ANKRD62: variants seen among roughly 807,000 people sequenced by gnomAD.
ANKRD62 encodes ankyrin repeat domain 62, also known as ankyrin repeat domain-containing protein 62.
ANKRD62 carries 61 observed loss-of-function variants against 98.8 expected under a neutral mutation model. That is an observed-to-expected ratio of 0.62 (90% CI 0.50 to 0.76). The LOEUF (loss-of-function observed/expected upper bound fraction) is 0.76, where lower values mean the gene tolerates loss of function less well. Ranked by LOEUF, ANKRD62 falls within the 30% of genes least tolerant of loss-of-function variation. The pLI is 0.00. For synonymous variants in ANKRD62, 341 were observed against 367.9 expected (o/e 0.93, Z 0.84); for missense variants, 933 against 1,082.9 (o/e 0.86, Z 1.94).
chr18:12,107,569 A>G (rs1040081617), intron 8 of ANKRD62, 102 bp downstream of exon 8: 59 of 944,044 alleles, frequency 6.2e-5, no homozygotes, highest in Middle Eastern at 3.1e-4. Context: ...TTATACTTTT[A>G]TGAGGAATAT....
the ANKRD62 span, among the ~76,000 whole-genome samples, chr18:12,165,098 C>T: frequency 3.0e-4 from 46 of 151,884 alleles, no homozygotes; most frequent in Admixed American, 6.6e-4. Flanking sequence ...GCTATTCCTG[C>T]GCTTTTTTGG....
the ANKRD62 span, among the ~76,000 whole-genome samples, chr18:12,157,906 G>A: frequency 2.8e-4 from 43 of 152,332 alleles, no homozygotes; most frequent in African/African-American, 8.7e-4. Flanking sequence ...CCTGTGGTGC[G>A]TAGGTGGGAG....
the ANKRD62 span, among the ~76,000 whole-genome samples, chr18:12,135,530 T>A: frequency 6.6e-6 from 1 of 151,576 alleles, no homozygotes; most frequent in African/African-American, 2.4e-5. Context: ...TATAGCAGCA[T>A]GATTTATCGT....
rs547537163 is a variant in ANKRD62 at position 12,102,106 on chromosome 18, T to TTCTGCAAGGCATCCCCATGAACA, written c.821-1050_821-1028dup. On this transcript the variant is annotated intron_variant, in intron 6 of 13. Transcript: ENST00000587848. ...TGCCAGAAGCTCTGCCTTGGGAGCT[T>TTCTGCAAGGCATCCCCATGAACA]TCTGCAAGGCATCCCCATGAACATA... 309 of 1,352,686 alleles carry TTCTGCAAGGCATCCCCATGAACA rather than the reference T, an allele frequency of 2.3e-4. 1 individual carries two copies. The African/African-American group carries it at 3.0e-3, about 13-fold the overall frequency. 83.8% of individuals were successfully genotyped at this position (1,352,686 alleles called of 1,614,324 possible). A position where few individuals can be genotyped will look rare whatever the true frequency, so the allele number is the denominator to read the frequency against.
the ANKRD62 span, among the ~76,000 whole-genome samples, chr18:12,179,161 A>T: frequency 6.7e-6 from 1 of 150,026 alleles, no homozygotes; most frequent in East Asian, 2.0e-4. Context: ...TGGCAATCAG[A>T]CATGGAGTTG....
At chr18:12,155,572 C>G in the ANKRD62 span, among the ~76,000 whole-genome samples, 1 of 152,322 alleles carries the variant, frequency 6.6e-6, no homozygotes, top group African/African-American at 2.4e-5. Context: ...AATGACCTAT[C>G]TGCCTGGGCT....
chr18:12,138,477 A>G, the ANKRD62 span, among the ~76,000 whole-genome samples: 3 of 152,154 alleles, frequency 2.0e-5, no homozygotes, highest in African/African-American at 4.8e-5. Flanking sequence ...GATGTGGTCA[A>G]TTTTGGAATA....
chr18:12,108,082 C>T (rs1405032021), intron 8 of ANKRD62, among the ~76,000 whole-genome samples: 2 of 152,184 alleles, frequency 1.3e-5, no homozygotes, highest in Admixed American at 1.3e-4. Flanking sequence ...TAAGTAGTCA[C>T]ACCCATAAAA....
rs569926229 is a variant in ANKRD62 at position 12,101,818 on chromosome 18, C to G, written c.821-1340C>G. Among the ~76,000 whole-genome samples, 7 of 152,338 alleles carry G rather than the reference C, an allele frequency of 4.6e-5. No homozygotes were observed. In the East Asian group the frequency reaches 1.3e-3, roughly 29 times the overall value. ...TCACAATTTCTTAGTCGTAATTCCT[C>G]TCAAACCTTTTCCTCAAATATTAAA... On this transcript the variant is annotated intron_variant, in intron 6 of 13. Coordinates refer to ENST00000587848, the MANE Select transcript of ANKRD62 (RefSeq NM_001277333.2).
rs1464310850 is a variant in ANKRD62 at position 12,129,118 on chromosome 18, A to T, written c.*1179A>T. The stretch of plus-strand genomic sequence containing the variant: ...GCTACAGCAAAAATTAAATGCAAAC[A>T]GACAAAAAAGAAATGAAATTATAGT... On this transcript the variant is annotated 3_prime_UTR_variant, in exon 14 of 14. Transcript: ENST00000587848. The T allele has an allele frequency of 6.6e-6, 1 of 152,218 alleles. No homozygotes were observed. The highest frequency in any genetic ancestry group is 2.4e-5 in the African/African-American group (1 of 41,460). 9.4% of individuals were successfully genotyped at this position (152,218 alleles called of 1,614,324 possible).
At chr18:12,107,039 C>T (rs1208365257) in intron 7 of ANKRD62, among the ~76,000 whole-genome samples, 2 of 152,026 alleles carry the variant, frequency 1.3e-5, no homozygotes, top group Non-Finnish European at 2.9e-5. Flanking sequence ...GGAATAAAAG[C>T]ACAAATTTGG....
chr18:12,169,298 TATGTGCCATCA>T, the ANKRD62 span, among the ~76,000 whole-genome samples: 3 of 152,360 alleles, frequency 2.0e-5, no homozygotes, highest in South Asian at 6.2e-4. Context: ...TATTTTGAGA[TATGTGCCATCA>T]ATACCTAGTT....
the ANKRD62 span, among the ~76,000 whole-genome samples, chr18:12,157,305 G>C: frequency 4.6e-3 from 700 of 152,250 alleles, 2 homozygotes; most frequent in Non-Finnish European, 7.3e-3. Flanking sequence ...CTGTAGTCAA[G>C]TAACCACGAC....
chr18:12,103,187 G>A lies in ANKRD62; in HGVS notation c.850G>A (p.Glu284Lys), dbSNP rs752178531. Reference protein sequence around the residue: ...EQDLEMTSEGEQERLEGCESS... With the variant: ...EQDLEMTSEGKQERLEGCESS... ...AGACTTAGAAATGACATCAGAGGGA[G>A]AGCAAGAAAGGCTTGAAGGATGTGA... The change falls in exon 7 of 14, where the codon GAG becomes AAG. Residue 284 changes from glutamate to lysine, a missense_variant. Coordinates refer to ENST00000587848, the MANE Select transcript of ANKRD62 (RefSeq NM_001277333.2). 2.9e-6 allele frequency: 4 copies of A among 1,377,230 alleles called. No homozygotes were observed. The South Asian group carries it at 8.1e-5, about 28-fold the overall frequency. The allele number at this position is 1,377,230 out of a possible 1,614,324, so 85.3% of individuals were successfully genotyped here.
chr18:12,141,590 A>G, the ANKRD62 span, among the ~76,000 whole-genome samples: 1 of 132,852 alleles, frequency 7.5e-6, no homozygotes, highest in Admixed American at 7.7e-5. Flanking sequence ...TGCATTAGGT[A>G]TTGCCATCTT....
the ANKRD62 span, among the ~76,000 whole-genome samples, chr18:12,162,568 G>A: frequency 6.6e-6 from 1 of 151,890 alleles, no homozygotes; most frequent in Non-Finnish European, 1.5e-5. Flanking sequence ...TGTGCTTTTG[G>A]GGCATTGCTC....
intron 7 of ANKRD62, among the ~76,000 whole-genome samples, chr18:12,105,503 A>G (rs1006661714): frequency 2.0e-5 from 3 of 152,034 alleles, no homozygotes; most frequent in Admixed American, 2.0e-4. Flanking sequence ...CAGTGGATCT[A>G]CCTTTTTGGG....
At chr18:12,100,572 T>C (rs1909278722) in intron 6 of ANKRD62, among the ~76,000 whole-genome samples, 1 of 152,162 alleles carries the variant, frequency 6.6e-6, no homozygotes, top group African/African-American at 2.4e-5. Context: ...ATGAGACCTT[T>C]CTGGTACCAT....
chr18:12,094,035 G>A lies in ANKRD62; in HGVS notation c.18G>A (p.Ser6=). ...GCTTCAGGATGGAGGTCAGGGGGTCGTTCCTGGCGGCCTGCAGGAGACGCA... is the reference window on the plus strand; with the variant it reads ...GCTTCAGGATGGAGGTCAGGGGGTCATTCCTGGCGGCCTGCAGGAGACGCA... The part of the protein sequence containing the change: MEVRG[S]FLAACRRRMA... Residue 6 remains serine (S), a synonymous_variant, in exon 1 of 14, where the codon TCG becomes TCA. Coordinates refer to ENST00000587848, the MANE Select transcript of ANKRD62 (RefSeq NM_001277333.2). 11 of 1,535,114 alleles carry A rather than the reference G, an allele frequency of 7.2e-6. No individual in the cohort carries two copies. The highest frequency in any genetic ancestry group is 2.4e-5 in the South Asian group (2 of 84,006).
Sources: allele counts gnomAD v4.1 joint callset (sites outside exome capture counted in the v4.1 genomes callset), GRCh38; gene constraint gnomAD v4.1.1; transcripts MANE v1.5; gene names NCBI Gene and HGNC (gene_info 2026-07-23, HGNC 2026-07-21).